The following CXCL13 variants were observed in gnomAD, a reference collection of about 807,000 sequenced individuals.
CXCL13 encodes the protein C-X-C motif chemokine 13.
In CXCL13, 7 loss-of-function variants were observed where a neutral mutation model predicts 12.2. The ratio of observed to expected loss-of-function variants is 0.57; its 90% confidence interval spans 0.33 to 1.07. The LOEUF (loss-of-function observed/expected upper bound fraction) is 1.07. Among genes scored for constraint, CXCL13 ranks in the 50% least tolerant of loss-of-function variants. The pLI is 0.04. For missense variants in CXCL13, 113 were observed against 127.4 expected (o/e 0.89, Z 0.55); for synonymous variants, 47 against 42.4 (o/e 1.11, Z -0.42).
chr4:77,603,788 AT>A (rs1243512819), upstream of CXCL13, among the ~76,000 whole-genome samples: 1 of 151,020 alleles, frequency 6.6e-6, no homozygotes, highest in Non-Finnish European at 1.5e-5. Context: ...TCCCAAACAG[AT>A]TAGATAGTCA....
intron 1 of CXCL13, among the ~76,000 whole-genome samples, chr4:77,570,661 G>A (rs1726049912): frequency 6.6e-6 from 1 of 152,184 alleles, no homozygotes. Flanking sequence ...AGGGAGGTGT[G>A]GAGGGAGAGG....
intron 1 of CXCL13, among the ~76,000 whole-genome samples, chr4:77,546,194 T>C (rs1725358876): frequency 6.6e-6 from 1 of 152,344 alleles, no homozygotes; most frequent in East Asian, 1.9e-4. Flanking sequence ...ATCACTGATA[T>C]TGGTCTAAAA....
intron 1 of CXCL13, among the ~76,000 whole-genome samples, chr4:77,564,458 T>G (rs1384650743): frequency 1.3e-5 from 2 of 152,256 alleles, no homozygotes; most frequent in Non-Finnish European, 2.9e-5. Flanking sequence ...TTGAACTAGC[T>G]GTTCTGCATT....
At chr4:77,563,177 C>T (rs1228504228) in intron 1 of CXCL13, among the ~76,000 whole-genome samples, 3 of 152,052 alleles carry the variant, frequency 2.0e-5, no homozygotes, top group Non-Finnish European at 2.9e-5. Context: ...AAACTCCGGA[C>T]GCCCCTTTAA....
intron 1 of CXCL13, among the ~76,000 whole-genome samples, chr4:77,546,389 G>A (rs1314770101): frequency 2.0e-5 from 3 of 152,044 alleles, no homozygotes; most frequent in South Asian, 4.1e-4. Context: ...GGACTTTTTT[G>A]GTTGGTAGGC....
At chr4:77,540,648 A>T (rs889959251) in intron 1 of CXCL13, among the ~76,000 whole-genome samples, 1 of 151,922 alleles carries the variant, frequency 6.6e-6, no homozygotes, top group Non-Finnish European at 1.5e-5. Flanking sequence ...TATATACCAT[A>T]TTTTCTTCAT....
At chr4:77,537,805 A>G (rs534540803) in intron 1 of CXCL13, among the ~76,000 whole-genome samples, 1 of 152,166 alleles carries the variant, frequency 6.6e-6, no homozygotes, top group South Asian at 2.1e-4. Context: ...ACTCCACTCT[A>G]TGGATCCTAG....
At chr4:77,560,252 G>A (rs975450946) in intron 1 of CXCL13, among the ~76,000 whole-genome samples, 2 of 152,138 alleles carry the variant, frequency 1.3e-5, no homozygotes, top group African/African-American at 4.8e-5. Flanking sequence ...AGAGATTGAG[G>A]TTGAATTGTG....
intron 1 of CXCL13, among the ~76,000 whole-genome samples, chr4:77,600,791 G>C (rs149929841): frequency 6.6e-6 from 1 of 152,282 alleles, no homozygotes; most frequent in African/African-American, 2.4e-5. Context: ...ATCTGATTTT[G>C]CAACCTCAGG....
intron 1 of CXCL13, among the ~76,000 whole-genome samples, chr4:77,589,293 T>C (rs11946019): frequency 6.6e-6 from 1 of 151,998 alleles, no homozygotes; most frequent in Non-Finnish European, 1.5e-5. Flanking sequence ...TCTGGGACAC[T>C]AATCATCCCT....
chr4:77,544,603 T>C (rs1374092412), intron 1 of CXCL13, among the ~76,000 whole-genome samples: 1 of 152,234 alleles, frequency 6.6e-6, no homozygotes, highest in Non-Finnish European at 1.5e-5. Context: ...GTTTGATTTT[T>C]TCTTGTAAAT....
intron 1 of CXCL13, among the ~76,000 whole-genome samples, chr4:77,530,821 T>C (rs1471319275): frequency 1.3e-5 from 2 of 152,164 alleles, no homozygotes; most frequent in African/African-American, 2.4e-5. Context: ...TGCTAGCTTT[T>C]GTATGTGTTT....
rs1388739830 is a variant in CXCL13, at chr4:77,610,662, A to G, written c.246A>G (p.Glu82=). 1.9e-6 allele frequency: 3 copies of G among 1,613,474 alleles called. No individual in the cohort carries two copies. Among genetic ancestry groups the G allele is most frequent in the Admixed American group, 3.3e-5 (2 of 60,028 alleles). Residue 82 remains glutamate (E), a synonymous_variant, in exon 3 of 4, where the codon GAA becomes GAG. Coordinates refer to ENST00000682537, the MANE Select transcript of CXCL13 (RefSeq NM_001371558.1). ...KSIVCVDPQA[E]WIQRMMEVLR... ...TTGTGTGTGTGGACCCTCAAGCTGA[A>G]TGGATACAAAGAATGATGGAAGTAT...
chr4:77,580,031 C>A (rs1015360447), intron 1 of CXCL13, among the ~76,000 whole-genome samples: 6 of 152,096 alleles, frequency 3.9e-5, no homozygotes, highest in Non-Finnish European at 8.8e-5. Flanking sequence ...CCAAACTGTA[C>A]AAACCAGCTG....
At chr4:77,607,321 G>T (rs1370624204) in intron 1 of CXCL13, among the ~76,000 whole-genome samples, 1 of 151,992 alleles carries the variant, frequency 6.6e-6, no homozygotes, top group Non-Finnish European at 1.5e-5. Flanking sequence ...GTGTTTTTTT[G>T]AAAGCTAATT....
At chr4:77,563,748 T>G (rs1355365111) in intron 1 of CXCL13, among the ~76,000 whole-genome samples, 2 of 152,222 alleles carry the variant, frequency 1.3e-5, no homozygotes, top group African/African-American at 4.8e-5. Flanking sequence ...CAGAGTTAAC[T>G]TCTTCCTCAT....
intron 1 of CXCL13, among the ~76,000 whole-genome samples, chr4:77,528,790 C>A (rs1271771311): frequency 6.6e-6 from 1 of 152,160 alleles, no homozygotes; most frequent in Non-Finnish European, 1.5e-5. Flanking sequence ...TAATTAGATC[C>A]CATTTGTCAA....
upstream of CXCL13, among the ~76,000 whole-genome samples, chr4:77,603,655 G>C (rs1726939354): frequency 6.6e-6 from 1 of 152,184 alleles, no homozygotes; most frequent in South Asian, 2.1e-4. Flanking sequence ...TTTTGGAGTG[G>C]AAGTTAGTAA....
chr4:77,571,880 C>A (rs1726091389), intron 1 of CXCL13, among the ~76,000 whole-genome samples: 1 of 151,658 alleles, frequency 6.6e-6, no homozygotes, highest in Non-Finnish European at 1.5e-5. Context: ...CACTCCTGAG[C>A]CCTGCGAGCC....
Sources: allele counts gnomAD v4.1 joint callset (sites outside exome capture counted in the v4.1 genomes callset), GRCh38; gene constraint gnomAD v4.1.1; transcripts MANE v1.5; gene names NCBI Gene and HGNC (gene_info 2026-07-23, HGNC 2026-07-21).